CCSER2: variants seen among roughly 807,000 people sequenced by gnomAD.
CCSER2 encodes coiled-coil serine rich protein 2.
A neutral mutation model predicts 92.3 loss-of-function variants in CCSER2; 46 were observed. The ratio of observed to expected loss-of-function variants is 0.50; its 90% CI spans 0.39 to 0.64. The LOEUF (loss-of-function observed/expected upper bound fraction) is 0.64, where lower values mean the gene tolerates loss of function less well. Ranked by LOEUF, CCSER2 falls within the 30% of genes least tolerant of loss-of-function variation. The pLI, the probability that CCSER2 is intolerant of heterozygous loss-of-function variation, is 0.00. For missense variants in CCSER2, 1,244 were observed against 1,238.9 expected (o/e 1.00, Z -0.06); for synonymous variants, 433 against 431.4 (o/e 1.00, Z -0.04).
At chr10:84,460,183 A>G (rs1249778575) in intron 6 of CCSER2, among the ~76,000 whole-genome samples, 2 of 140,374 alleles carry the variant, frequency 1.4e-5, no homozygotes, top group Non-Finnish European at 3.0e-5. Context: ...TCTGCCTCCC[A>G]GGTTCAAGCA....
rs1315580575 is a variant in CCSER2, at chr10:84,339,191, A to G, written c.-40+10383A>G. Reference sequence around the variant, plus strand: ...CTTTAGGGGATCTGGAGTGCTCCCTAGGGTGTCTTGCTGTGTTGGCCAGGC... The same window carrying G: ...CTTTAGGGGATCTGGAGTGCTCCCTGGGGTGTCTTGCTGTGTTGGCCAGGC... On this transcript the variant is annotated intron_variant, in intron 1 of 9. Transcript: ENST00000372088. 9.0e-5 allele frequency among the ~76,000 whole-genome samples: 13 copies of G among 144,764 alleles called. No homozygotes were observed. In the Admixed American group the frequency reaches 9.3e-4, roughly 10 times the overall value. 95.0% of individuals were successfully genotyped at this position (144,764 alleles called of 152,430 possible). A position where few individuals can be genotyped will look rare whatever the true frequency, so the allele number is the denominator to read the frequency against.
intron 5 of CCSER2, among the ~76,000 whole-genome samples, chr10:84,434,051 C>G (rs2133479014): frequency 6.6e-6 from 1 of 152,300 alleles, no homozygotes; most frequent in South Asian, 2.1e-4. Flanking sequence ...ACCGGAGTTT[C>G]TGTTAGAAAT....
At chr10:84,483,921 A>C (rs933844356) in intron 9 of CCSER2, among the ~76,000 whole-genome samples, 2 of 138,334 alleles carry the variant, frequency 1.4e-5, no homozygotes, top group Non-Finnish European at 3.1e-5. Context: ...AGTAGCTGAT[A>C]CCACAGGTGC....
At chr10:84,348,129 C>T (rs965058048) in intron 1 of CCSER2, among the ~76,000 whole-genome samples, 9 of 152,294 alleles carry the variant, frequency 5.9e-5, no homozygotes, top group East Asian at 3.9e-4. Flanking sequence ...TGTAGAGAGC[C>T]GAGATCACGC....
chr10:84,407,801 G>A (rs1842450534), intron 3 of CCSER2, among the ~76,000 whole-genome samples: 1 of 152,212 alleles, frequency 6.6e-6, no homozygotes, highest in Admixed American at 6.5e-5. Flanking sequence ...AAATTATTGA[G>A]AATGTTATTC....
chr10:84,466,382 C>CA (rs1227195682), intron 7 of CCSER2, among the ~76,000 whole-genome samples: 1 of 152,174 alleles, frequency 6.6e-6, no homozygotes, highest in Admixed American at 6.5e-5. Flanking sequence ...TGATCTCTTC[C>CA]AAATAGCTCT....
At chr10:84,380,694 CTTT>C (rs34999469) in intron 3 of CCSER2, among the ~76,000 whole-genome samples, 13 of 133,700 alleles carry the variant, frequency 9.7e-5, no homozygotes, top group Admixed American at 7.6e-5. Context: ...TGTTCCTTTT[CTTT>C]TTTTTTTTTT....
intron 3 of CCSER2, among the ~76,000 whole-genome samples, chr10:84,406,428 G>C (rs746110840): frequency 3.3e-5 from 5 of 152,144 alleles, no homozygotes; most frequent in Admixed American, 1.3e-4. Context: ...ACTAATGATG[G>C]TGTCATTCAT....
At chr10:84,443,596 G>T (rs1003064291) in intron 6 of CCSER2, among the ~76,000 whole-genome samples, 18 of 152,140 alleles carry the variant, frequency 1.2e-4, no homozygotes, top group South Asian at 2.1e-4. Context: ...ATTCCTCAAG[G>T]ATCTAGAACC....
chr10:84,492,353 T>C (rs1848222307), intron 9 of CCSER2, among the ~76,000 whole-genome samples: 1 of 152,114 alleles, frequency 6.6e-6, no homozygotes. Flanking sequence ...GTAAACTCAC[T>C]TATAAGTTTG....
At chr10:84,447,705 T>G (rs80043038) in intron 6 of CCSER2, among the ~76,000 whole-genome samples, 14,477 of 152,238 alleles carry the variant, frequency 0.095, 796 homozygotes, top group Non-Finnish European at 0.12. Flanking sequence ...GGAATTGATT[T>G]TGGTGCATTT....
intron 3 of CCSER2, among the ~76,000 whole-genome samples, chr10:84,385,988 A>G (rs1841183149): frequency 6.6e-6 from 1 of 152,244 alleles, no homozygotes; most frequent in South Asian, 2.1e-4. Flanking sequence ...AAAACTCAAC[A>G]TCAGTAATCA....
At position 84,457,244 on chromosome 10, in the gene CCSER2, TTATATATTATATA is replaced by T. The variant is rs1564684141; in HGVS notation, c.2065-6688_2065-6676del. ...ATATTATATATAAATATATTATATA[TTATATATTATATA>T]AAATATATTATATATAATATATTAT... On this transcript the variant is annotated intron_variant, in intron 6 of 9. Transcript: ENST00000372088. Among the ~76,000 whole-genome samples, 19 of 64,916 alleles carry T rather than the reference TTATATATTATATA, an allele frequency of 2.9e-4. 1 individual carries two copies. The highest frequency in any genetic ancestry group is 5.1e-4 in the Non-Finnish European group (18 of 35,280). 42.6% of individuals were successfully genotyped at this position (64,916 alleles called of 152,430 possible).
chr10:84,488,630 T>C (rs1847953171), intron 9 of CCSER2, among the ~76,000 whole-genome samples: 2 of 152,290 alleles, frequency 1.3e-5, no homozygotes, highest in Admixed American at 6.5e-5. Context: ...TCTTCTCTCT[T>C]TTCTTCTTTA....
chr10:84,465,242 TGTGTGTGTGTG>T, intron 7 of CCSER2, among the ~76,000 whole-genome samples: 1 of 586 alleles, frequency 1.7e-3, no homozygotes, highest in Middle Eastern at 0.25. Flanking sequence ...CCTGAATTTG[TGTGTGTGTGTG>T]TGTGTGTGTG....
chr10:84,489,102 G>A (rs573203442), intron 9 of CCSER2, among the ~76,000 whole-genome samples: 3 of 152,312 alleles, frequency 2.0e-5, no homozygotes, highest in African/African-American at 7.2e-5. Context: ...TGGTCTGAGA[G>A]ACTGTTTGTT....
chr10:84,488,424 T>C (rs1340981150), intron 9 of CCSER2, among the ~76,000 whole-genome samples: 1 of 152,212 alleles, frequency 6.6e-6, no homozygotes, highest in Non-Finnish European at 1.5e-5. Flanking sequence ...CAGAGCCTGT[T>C]GTTGGTCTAT....
At chr10:84,409,286 T>C (rs7099315) in intron 3 of CCSER2, among the ~76,000 whole-genome samples, 31,799 of 151,802 alleles carry the variant, frequency 0.21, 3,564 homozygotes, top group Admixed American at 0.34. Flanking sequence ...CCACCGCGCC[T>C]GGCCTATTTA....
chr10:84,366,264 T>C (rs1047934388), intron 1 of CCSER2, among the ~76,000 whole-genome samples: 3 of 152,132 alleles, frequency 2.0e-5, no homozygotes, highest in African/African-American at 7.2e-5. Context: ...TTTCAACATA[T>C]TGCCCAAGGG....
Sources: allele counts gnomAD v4.1 joint callset (sites outside exome capture counted in the v4.1 genomes callset), GRCh38; gene constraint gnomAD v4.1.1; transcripts MANE v1.5; gene names NCBI Gene and HGNC (gene_info 2026-07-23, HGNC 2026-07-21).